NELL1: variants seen among roughly 807,000 people sequenced by gnomAD.
NELL1 encodes protein kinase C-binding protein NELL1.
NELL1 carries 76 observed loss-of-function variants against 107.4 expected under a neutral mutation model. The observed-to-expected ratio is 0.71, with a 90% CI of 0.59 to 0.86. NELL1 has a LOEUF of 0.86. Ranked by LOEUF, NELL1 falls within the 40% of genes least tolerant of loss-of-function variation. NELL1 has a pLI of 0.00. For missense variants in NELL1, 1,024 were observed against 1,005.5 expected (o/e 1.02, Z -0.25); for synonymous variants, 353 against 341.2 (o/e 1.03, Z -0.38).
intron 13 of NELL1, among the ~76,000 whole-genome samples, chr11:21,203,888 T>G (rs1302464311): frequency 6.6e-6 from 1 of 152,168 alleles, no homozygotes; most frequent in Non-Finnish European, 1.5e-5. Context: ...TGGCTGGAGA[T>G]GATCTTCTGG....
intron 15 of NELL1, among the ~76,000 whole-genome samples, chr11:21,510,618 G>T (rs1209075886): frequency 6.6e-6 from 1 of 152,166 alleles, no homozygotes; most frequent in Non-Finnish European, 1.5e-5. Context: ...TGTTTGCACT[G>T]TGATATGAAT....
chr11:20,730,076 C>T (rs768353190), intron 2 of NELL1, among the ~76,000 whole-genome samples: 5 of 152,128 alleles, frequency 3.3e-5, no homozygotes, highest in Non-Finnish European at 5.9e-5. Flanking sequence ...CCCGTTGAAA[C>T]AAATAATCAA....
At chr11:21,091,233 A>G (rs943365044) in intron 12 of NELL1, among the ~76,000 whole-genome samples, 1 of 152,176 alleles carries the variant, frequency 6.6e-6, no homozygotes, top group African/African-American at 2.4e-5. Context: ...TACCCCCTCT[A>G]TTTAAACAGC....
chr11:20,706,904 C>T (rs1211747267), intron 2 of NELL1, among the ~76,000 whole-genome samples: 1 of 152,094 alleles, frequency 6.6e-6, no homozygotes, highest in Non-Finnish European at 1.5e-5. Context: ...CTCTGTATTT[C>T]CTGAATTTGA....
chr11:21,184,431 G>A lies in NELL1; in HGVS notation c.1427-44901G>A, dbSNP rs552179816. 3.5e-3 allele frequency among the ~76,000 whole-genome samples: 530 copies of A among 151,616 alleles called. 10 individuals are homozygous for A. Among genetic ancestry groups the A allele is most frequent in the African/African-American group, 0.012 (508 of 41,086 alleles). The stretch of plus-strand genomic sequence containing the variant: ...TTACAGGAAGGTGCCCACCATGACC[G>A]GCTAAATTCTGTATTTTTAGTAGAG... On this transcript the variant is annotated intron_variant, in intron 13 of 19. Coordinates refer to ENST00000357134, the MANE Select transcript of NELL1 (RefSeq NM_006157.5).
At chr11:20,847,553 TA>T in intron 3 of NELL1, 29 bp from the exon 4 acceptor site, 5 of 1,600,668 alleles carry the variant, frequency 3.1e-6, no homozygotes, top group Non-Finnish European at 4.3e-6. Context: ...AGAACTAAAA[TA>T]AAACAAATGT....
At chr11:21,538,541 C>T (rs549908795) in intron 16 of NELL1, among the ~76,000 whole-genome samples, 59 of 152,140 alleles carry the variant, frequency 3.9e-4, no homozygotes, top group Non-Finnish European at 5.7e-4. Flanking sequence ...ACTTGTATAT[C>T]TTTATAATGC....
At chr11:21,503,886 C>G (rs111494024) in intron 15 of NELL1, among the ~76,000 whole-genome samples, 1 of 152,086 alleles carries the variant, frequency 6.6e-6, no homozygotes, top group South Asian at 2.1e-4. Flanking sequence ...AATTGATCCT[C>G]AAACCCTCTT....
intron 12 of NELL1, among the ~76,000 whole-genome samples, chr11:20,962,445 A>C (rs569122911): frequency 3.9e-5 from 6 of 152,334 alleles, no homozygotes; most frequent in African/African-American, 1.2e-4. Flanking sequence ...AAACAATGTG[A>C]ATCCTGATTA....
intron 4 of NELL1, among the ~76,000 whole-genome samples, chr11:20,864,624 C>G (rs6483734): frequency 0.65 from 98,476 of 152,102 alleles, 33,396 homozygotes; most frequent in Non-Finnish European, 0.76. Context: ...CCTTCACTTT[C>G]GGAAACCTGG....
chr11:21,346,662 T>A lies in NELL1; in HGVS notation c.1550-24191T>A, dbSNP rs1850689409. Among the ~76,000 whole-genome samples, 5 of 148,214 alleles carry A rather than the reference T, an allele frequency of 3.4e-5. No individual in the cohort carries two copies. The South Asian group carries it at 1.0e-3, about 31-fold the overall frequency. On this transcript the variant is annotated intron_variant, in intron 14 of 19. Transcript: ENST00000357134. ...AATTATATGATATAATATCAATTTA[T>A]AATATCAAATTAAATATATAATATA...
chr11:20,803,531 G>A (rs773153689), intron 3 of NELL1, among the ~76,000 whole-genome samples: 24 of 150,450 alleles, frequency 1.6e-4, no homozygotes, highest in Non-Finnish European at 2.7e-4. Flanking sequence ...TTGTTTCTTC[G>A]TTTCAATTTC....
At chr11:20,785,594 G>C (rs947785807) in intron 3 of NELL1, among the ~76,000 whole-genome samples, 4 of 152,240 alleles carry the variant, frequency 2.6e-5, no homozygotes, top group African/African-American at 9.6e-5. Context: ...GCTTCCCACA[G>C]CAGGTGAGAA....
chr11:21,535,350 T>G (rs1368284173), intron 16 of NELL1, among the ~76,000 whole-genome samples: 3 of 152,200 alleles, frequency 2.0e-5, no homozygotes, highest in African/African-American at 7.2e-5. Context: ...ATTCTGACCT[T>G]GGGCTCCCAA....
At chr11:21,203,581 G>A (rs935433373) in intron 13 of NELL1, among the ~76,000 whole-genome samples, 2 of 152,062 alleles carry the variant, frequency 1.3e-5, no homozygotes, top group Non-Finnish European at 2.9e-5. Context: ...GCCAGTCTGT[G>A]TCTTTTAATT....
chr11:21,013,550 C>T lies in NELL1; in HGVS notation c.1300+52990C>T, dbSNP rs546283940. On this transcript the variant is annotated intron_variant, in intron 12 of 19. Transcript: ENST00000357134. The stretch of plus-strand genomic sequence containing the variant: ...ACTGCTGAGGAATAAATGGGTCCTA[C>T]GTTATCTGCTAAGGATGTATTTCCC... 1.2e-4 allele frequency among the ~76,000 whole-genome samples: 18 copies of T among 152,232 alleles called. No homozygotes were observed. The South Asian group carries it at 1.9e-3, about 16-fold the overall frequency.
At chr11:21,477,624 A>G (rs1590962532) in intron 15 of NELL1, among the ~76,000 whole-genome samples, 1 of 152,126 alleles carries the variant, frequency 6.6e-6, no homozygotes, top group East Asian at 1.9e-4. Flanking sequence ...TATAATAAAT[A>G]CCTAACTCTG....
intron 2 of NELL1, among the ~76,000 whole-genome samples, chr11:20,778,525 T>C (rs767667125): frequency 2.1e-4 from 28 of 136,150 alleles, no homozygotes; most frequent in Non-Finnish European, 4.3e-4. Context: ...TTTTTTTTGC[T>C]GATGTTTAAT....
chr11:20,991,885 A>G (rs567680344), intron 12 of NELL1, among the ~76,000 whole-genome samples: 2 of 151,304 alleles, frequency 1.3e-5, no homozygotes, highest in Non-Finnish European at 2.9e-5. Context: ...TTCTCCCAGA[A>G]GTGTTGTACT....
Sources: allele counts gnomAD v4.1 joint callset (sites outside exome capture counted in the v4.1 genomes callset), GRCh38; gene constraint gnomAD v4.1.1; transcripts MANE v1.5; gene names NCBI Gene and HGNC (gene_info 2026-07-23, HGNC 2026-07-21).